Variants in DMD observed in about 807,000 individuals in gnomAD.
DMD encodes the protein mutant dystrophin.
In DMD, 63 loss-of-function variants were observed where a neutral mutation model predicts 330.1. The ratio of observed to expected loss-of-function variants is 0.19; its 90% CI spans 0.16 to 0.24. The LOEUF (loss-of-function observed/expected upper bound fraction) is 0.24. Among genes scored for constraint, DMD ranks in the 10% least tolerant of loss-of-function variants. DMD has a pLI of 1.00. For missense variants in DMD, 3,344 were observed against 2,684.1 expected (o/e 1.25, Z -5.43); for synonymous variants, 1,223 against 959.8 (o/e 1.27, Z -5.07).
chrX:32,285,172 A>T (rs1054895571), intron 43 of DMD, among the ~76,000 whole-genome samples: 1 of 112,298 alleles, frequency 8.9e-6, no homozygotes, highest in Non-Finnish European at 1.9e-5. Flanking sequence ...GAAGCACAGT[A>T]ATCACTGGCT....
intron 1 of DMD, among the ~76,000 whole-genome samples, chrX:33,086,487 G>A (rs1233480492): frequency 6.3e-5 from 7 of 110,913 alleles, no homozygotes; most frequent in Admixed American, 3.9e-4. Flanking sequence ...TTTAAAAGTA[G>A]GTAACAGAAA....
chrX:31,177,804 A>G lies in DMD; in HGVS notation c.10262+128T>C, dbSNP rs578262527. 3.7e-4 allele frequency: 221 copies of G among 598,556 alleles called. 4 individuals carry two copies. The South Asian group carries it at 5.7e-3, about 15-fold the overall frequency. The allele number at this position is 598,556 out of a possible 1,213,427, so 49.3% of individuals were successfully genotyped here. A position where few individuals can be genotyped will look rare whatever the true frequency, so the allele number is the denominator to read the frequency against. On this transcript the variant is annotated intron_variant, in intron 71 of 78. Transcript: ENST00000357033. ...AGAAAAAAAAAAACTGAAATGAAGG[A>G]AGGGGAATTAATATGTCCATAAAAC...
intron 12 of DMD, among the ~76,000 whole-genome samples, chrX:32,600,038 A>C (rs2056014352): frequency 8.9e-6 from 1 of 112,273 alleles, no homozygotes; most frequent in Non-Finnish European, 1.9e-5. Flanking sequence ...CTCTAGTTAA[A>C]GGGCTTAACA....
chrX:31,936,011 C>T (rs5972462), intron 45 of DMD, among the ~76,000 whole-genome samples: 52,066 of 108,932 alleles, frequency 0.48, 10,376 homozygotes, highest in African/African-American at 0.78. Context: ...GGGTTCAAAC[C>T]CTATATTGTA....
chrX:32,825,796 T>C (rs1162317856), intron 4 of DMD, among the ~76,000 whole-genome samples: 1 of 111,495 alleles, frequency 9.0e-6, no homozygotes, highest in Non-Finnish European at 1.9e-5. Context: ...TGATTCTACT[T>C]ATATGAGGTA....
chrX:32,844,967 A>AC, intron 3 of DMD, 107 bp from the exon 4 acceptor site: 1 of 660,609 alleles, frequency 1.5e-6, no homozygotes, highest in Non-Finnish European at 2.4e-6. Context: ...TTGTAAACGA[A>AC]CAGAGCCTGT....
At chrX:31,825,155 G>A (rs2092865148) in intron 49 of DMD, among the ~76,000 whole-genome samples, 1 of 111,627 alleles carries the variant, frequency 9.0e-6, no homozygotes, top group Non-Finnish European at 1.9e-5. Flanking sequence ...GTTTCCCTGT[G>A]AAGTTTCTGT....
At chrX:32,600,053 T>G (rs1255086026) in intron 12 of DMD, among the ~76,000 whole-genome samples, 2 of 112,172 alleles carry the variant, frequency 1.8e-5, no homozygotes, top group East Asian at 2.8e-4. Context: ...TTAACAAAAT[T>G]TGTTACTCCC....
At chrX:31,180,505 C>A in intron 68 of DMD, 24 bp from the exon 69 acceptor site, 5 of 976,353 alleles carry the variant, frequency 5.1e-6, no homozygotes, top group Non-Finnish European at 7.3e-6. Context: ...AAAACAAACA[C>A]GTATGTATTT....
Position 31,478,995 on chromosome X carries a change from G to T in DMD, c.8656C>A (p.Gln2886Lys). 1 of 1,209,458 alleles carries T rather than the reference G, an allele frequency of 8.3e-7. No homozygotes were observed. The highest frequency in any genetic ancestry group is 1.1e-6 in the Non-Finnish European group (1 of 893,776). Residue 2886 changes from glutamine to lysine, a missense_variant, in exon 58 of 79, where the codon CAG (glutamine) becomes AAG (lysine). Physicochemically the swap from Gln to Lys is moderately conservative, Grantham distance 53. Transcript: ENST00000357033. ...QPLEGLEKLY[Q>K]EPRELPPEER... is the part of the protein sequence containing the mutation. ...CACATTCAATTACCTCTGGGCTCCTGGTAGAGTTTCTCTAGTCCTTCCAAA... is the reference window on the plus strand; with the variant it reads ...CACATTCAATTACCTCTGGGCTCCTTGTAGAGTTTCTCTAGTCCTTCCAAA...
At position 32,411,854 on chromosome X, in the gene DMD, T is replaced by C. The variant is rs1800263; in HGVS notation, c.4131A>G (p.Lys1377=). The C allele has an allele frequency of 8.3e-7, 1 of 1,208,999 alleles. No individual in the cohort carries two copies. Among genetic ancestry groups the C allele is most frequent in the African/African-American group, 1.8e-5 (1 of 57,024 alleles). Residue 1377 remains lysine, a synonymous_variant, in exon 30 of 79, where the codon AAA becomes AAG. Transcript: ENST00000357033. ...QSIQSAQETE[K]SLHLIQESLT... ...GGGACTCCTGGATTAAGTGTAAGGA[T>C]TTTTCAGTCTCCTGGGCAGACTGGA...
At chrX:33,180,503 T>G (rs113118111) in intron 1 of DMD, among the ~76,000 whole-genome samples, 3 of 111,419 alleles carry the variant, frequency 2.7e-5, no homozygotes, top group African/African-American at 9.8e-5. Flanking sequence ...TTATTATGCC[T>G]GCTACCCATT....
intron 43 of DMD, among the ~76,000 whole-genome samples, chrX:32,269,213 C>G (rs984751536): frequency 9.0e-6 from 1 of 110,890 alleles, no homozygotes; most frequent in African/African-American, 3.3e-5. Context: ...AGTAAATACA[C>G]CGTGCATGCT....
At chrX:31,419,872 G>A (rs2063270855) in intron 60 of DMD, among the ~76,000 whole-genome samples, 1 of 111,961 alleles carries the variant, frequency 8.9e-6, no homozygotes, top group Non-Finnish European at 1.9e-5. Context: ...CAGATAGGAT[G>A]TATCTGGGGA....
At chrX:31,350,592 CGTGTGTGTGTGTGT>C (rs747001189) in intron 60 of DMD, among the ~76,000 whole-genome samples, 1 of 85,316 alleles carries the variant, frequency 1.2e-5, no homozygotes, top group Admixed American at 1.4e-4. Flanking sequence ...AAATGTGGTA[CGTGTGTGTGTGTGT>C]GTGTGTGTGT....
At chrX:32,876,561 A>C (rs141917396) in intron 2 of DMD, among the ~76,000 whole-genome samples, 1,750 of 111,262 alleles carry the variant, frequency 0.016, 40 homozygotes, top group African/African-American at 0.055. Context: ...ACTCCAAAAA[A>C]AGTCCCTCCT....
intron 43 of DMD, among the ~76,000 whole-genome samples, chrX:32,258,337 T>C (rs1005366384): frequency 3.6e-5 from 4 of 111,920 alleles, no homozygotes; most frequent in Admixed American, 1.9e-4. Context: ...GTATTATAAA[T>C]CATTCTCCTA....
At chrX:32,065,770 T>C (rs2096255672) in intron 44 of DMD, among the ~76,000 whole-genome samples, 1 of 111,838 alleles carries the variant, frequency 8.9e-6, no homozygotes, top group South Asian at 3.7e-4. Context: ...ATAATATTCA[T>C]ATAAAAGTGG....
At chrX:31,139,906 T>C (rs1015969787) in intron 76 of DMD, among the ~76,000 whole-genome samples, 7 of 112,430 alleles carry the variant, frequency 6.2e-5, no homozygotes, top group African/African-American at 2.3e-4. Flanking sequence ...CTATTTGGTC[T>C]TCCTGGCTTG....
Sources: allele counts gnomAD v4.1 joint callset (sites outside exome capture counted in the v4.1 genomes callset), GRCh38; gene constraint gnomAD v4.1.1; transcripts MANE v1.5; gene names NCBI Gene and HGNC (gene_info 2026-07-23, HGNC 2026-07-21).